The following FAF2 variants were observed in gnomAD, a reference collection of about 807,000 sequenced individuals.
FAF2 encodes the protein FAS-associated factor 2.
Under a neutral mutation model 62.3 loss-of-function variants are expected in FAF2, and 9 were observed. The ratio of observed to expected loss-of-function variants is 0.14; its 90% CI spans 0.09 to 0.25. The LOEUF is 0.25. Among genes scored for constraint, FAF2 ranks in the 10% least tolerant of loss-of-function variants. FAF2 has a pLI of 1.00. For missense variants in FAF2, 368 were observed against 556.2 expected (o/e 0.66, Z 3.40); for synonymous variants, 202 against 198.0 (o/e 1.02, Z -0.17).
intron 3 of FAF2, 90 bp from the exon 4 acceptor site, chr5:176,488,861 A>AC: frequency 9.8e-7 from 1 of 1,018,294 alleles, no homozygotes; most frequent in African/African-American, 1.6e-5. Flanking sequence ...ACATGGAAGG[A>AC]CCAAAAAGAG....
In FAF2 at chr5:176,507,036, CAAG is replaced by C. The variant is rs1755696156; in HGVS notation, c.*88_*90del. Reference sequence around the variant, plus strand: ...ACAACAGCAAGTCAGAAAAAAAAAACAAGAGAGAGAAATTCATATTATTATTAT... The same window carrying C: ...ACAACAGCAAGTCAGAAAAAAAAAACAGAGAGAAATTCATATTATTATTAT... On this transcript the variant is annotated 3_prime_UTR_variant, in exon 11 of 11. Transcript: ENST00000261942. The C allele has an allele frequency of 5.9e-6, 5 of 842,648 alleles. No individual in the cohort carries two copies. Among genetic ancestry groups the C allele is most frequent in the Non-Finnish European group, 8.3e-6 (5 of 604,968 alleles). 52.2% of individuals were successfully genotyped at this position (842,648 alleles called of 1,614,324 possible).
chr5:176,502,045 C>T (rs1264069627), intron 10 of FAF2, among the ~76,000 whole-genome samples: 2 of 152,168 alleles, frequency 1.3e-5, no homozygotes, highest in East Asian at 3.9e-4. Flanking sequence ...GCGTGAGCCA[C>T]TGCACCTGGC....
intron 2 of FAF2, 59 bp from the exon 3 acceptor site, chr5:176,486,296 C>A: frequency 6.2e-7 from 1 of 1,603,656 alleles, no homozygotes; most frequent in Non-Finnish European, 8.5e-7. Context: ...TGCCTCACCT[C>A]TTGTTGTTGG....
At chr5:176,449,353 A>G (rs1046697362) in intron 1 of FAF2, among the ~76,000 whole-genome samples, 1 of 152,088 alleles carries the variant, frequency 6.6e-6, no homozygotes, top group African/African-American at 2.4e-5. Flanking sequence ...AAGGCCAGCG[A>G]ATCACGAGGT....
chr5:176,486,997 T>G (rs1219194368), intron 3 of FAF2, among the ~76,000 whole-genome samples: 1 of 152,220 alleles, frequency 6.6e-6, no homozygotes, highest in Non-Finnish European at 1.5e-5. Flanking sequence ...TTGAAGGAAG[T>G]CAGATGTGTA....
chr5:176,461,842 GT>G (rs1758385272), intron 1 of FAF2, among the ~76,000 whole-genome samples: 1 of 152,108 alleles, frequency 6.6e-6, no homozygotes, highest in Non-Finnish European at 1.5e-5. Flanking sequence ...TGTTGCAAAT[GT>G]TTTTGGGGAC....
chr5:176,464,632 A>G (rs922596418), intron 1 of FAF2, among the ~76,000 whole-genome samples: 1 of 151,506 alleles, frequency 6.6e-6, no homozygotes, highest in Non-Finnish European at 1.5e-5. Context: ...GGCTGGGACT[A>G]CATGCATGTA....
chr5:176,505,194 A>T (rs987109900), intron 10 of FAF2, among the ~76,000 whole-genome samples: 1 of 152,218 alleles, frequency 6.6e-6, no homozygotes, highest in Non-Finnish European at 1.5e-5. Flanking sequence ...TATGTTCGTC[A>T]TCTTTGGGGT....
intron 1 of FAF2, among the ~76,000 whole-genome samples, chr5:176,457,721 A>C (rs1336359318): frequency 6.6e-6 from 1 of 151,994 alleles, no homozygotes; most frequent in Non-Finnish European, 1.5e-5. Context: ...GAATAGCAGA[A>C]ATCACCGTGA....
At chr5:176,483,120 G>T (rs1758810796) in intron 2 of FAF2, among the ~76,000 whole-genome samples, 1 of 151,888 alleles carries the variant, frequency 6.6e-6, no homozygotes, top group South Asian at 2.1e-4. Flanking sequence ...GCAGTGGCCT[G>T]ATCATAGCTC....
chr5:176,478,479 GA>G (rs1758738557), intron 1 of FAF2, among the ~76,000 whole-genome samples: 1 of 151,306 alleles, frequency 6.6e-6, no homozygotes, highest in South Asian at 2.1e-4. Context: ...ACCCTGTCTC[GA>G]AAAAAAAGTG....
rs190054933 is a variant in FAF2, at chr5:176,470,532, G to A, written c.64-8656G>A. ...GTGGAGGTTGTGGTGAGCCAAGATC[G>A]CGCCATCGCGCTCCAGCCTGGGCAA... On this transcript the variant is annotated intron_variant, in intron 1 of 10. Coordinates refer to ENST00000261942, the MANE Select transcript of FAF2 (RefSeq NM_014613.3). 8.5e-5 allele frequency among the ~76,000 whole-genome samples: 13 copies of A among 152,364 alleles called. No homozygotes were observed. The East Asian group carries it at 1.5e-3, about 18-fold the overall frequency.
chr5:176,498,807 A>G, intron 8 of FAF2, 107 bp from the exon 9 acceptor site: 2 of 1,079,972 alleles, frequency 1.9e-6, no homozygotes, highest in Non-Finnish European at 1.2e-6. Flanking sequence ...TCTGCTAAGA[A>G]TATCAACATT....
At chr5:176,450,627 C>T (rs1758145866) in intron 1 of FAF2, among the ~76,000 whole-genome samples, 1 of 151,328 alleles carries the variant, frequency 6.6e-6, no homozygotes, top group Non-Finnish European at 1.5e-5. Context: ...GATCTCGGCT[C>T]ACTGCAACCT....
chr5:176,492,550 T>C (rs528006973), intron 5 of FAF2, among the ~76,000 whole-genome samples: 40 of 152,324 alleles, frequency 2.6e-4, no homozygotes, highest in African/African-American at 9.4e-4. Context: ...GCATAACTTA[T>C]TTTACCATAC....
At chr5:176,482,895 T>G (rs911827307) in intron 2 of FAF2, among the ~76,000 whole-genome samples, 1 of 151,434 alleles carries the variant, frequency 6.6e-6, no homozygotes, top group Non-Finnish European at 1.5e-5. Flanking sequence ...GGTTTGTGGT[T>G]TTGTTGTTGT....
chr5:176,486,956 TC>T (rs899536054), intron 3 of FAF2, among the ~76,000 whole-genome samples: 4 of 152,212 alleles, frequency 2.6e-5, no homozygotes, highest in Non-Finnish European at 5.9e-5. Flanking sequence ...GAGCCAGTCT[TC>T]CCATTTCAAA....
intron 8 of FAF2, among the ~76,000 whole-genome samples, chr5:176,497,232 T>C (rs774746158): frequency 1.2e-4 from 18 of 151,690 alleles, no homozygotes; most frequent in Non-Finnish European, 2.4e-4. Context: ...CTGAATATAA[T>C]ATAAAGAACT....
chr5:176,505,608 C>T (rs1234849037), intron 10 of FAF2, among the ~76,000 whole-genome samples: 1 of 152,160 alleles, frequency 6.6e-6, no homozygotes, highest in Admixed American at 6.5e-5. Flanking sequence ...TTTTATCCCT[C>T]ACCCCTTCCC....
Sources: allele counts gnomAD v4.1 joint callset (sites outside exome capture counted in the v4.1 genomes callset), GRCh38; gene constraint gnomAD v4.1.1; transcripts MANE v1.5; gene names NCBI Gene and HGNC (gene_info 2026-07-23, HGNC 2026-07-21).